HPSE: variants seen among roughly 807,000 people sequenced by gnomAD.
HPSE encodes endo-glucoronidase.
Under a neutral mutation model 65.1 loss-of-function variants are expected in HPSE, and 48 were observed. That is an observed-to-expected ratio of 0.74 (90% CI 0.58 to 0.94). The LOEUF is 0.94. HPSE is among the 40% of genes least tolerant of loss of function. HPSE has a pLI of 0.00. For missense variants in HPSE, 644 were observed against 637.5 expected, an observed-to-expected ratio of 1.01 and a Z score of -0.11; for synonymous variants, 243 against 260.0, an observed-to-expected ratio of 0.93 and a Z score of 0.63.
chr4:83,318,277 T>C (rs1376407562), intron 3 of HPSE, among the ~76,000 whole-genome samples: 1 of 152,184 alleles, frequency 6.6e-6, no homozygotes, highest in African/African-American at 2.4e-5. Context: ...GGGAACATCA[T>C]CCCTCAGTGG....
chr4:83,304,554 C>A, intron 9 of HPSE, among the ~76,000 whole-genome samples: 1 of 123,086 alleles, frequency 8.1e-6, no homozygotes, highest in Non-Finnish European at 1.7e-5. Context: ...CGGTGGTGGG[C>A]ACAATGGTTC....
At chr4:83,322,784 CTTGT>C (rs1186647015) in intron 1 of HPSE, among the ~76,000 whole-genome samples, 3,314 of 115,920 alleles carry the variant, frequency 0.029, 40 homozygotes, top group East Asian at 0.069. Context: ...CTGGCAAGAG[CTTGT>C]TTGTGTGTGT....
chr4:83,314,784 C>G (rs1309392282), intron 3 of HPSE, among the ~76,000 whole-genome samples: 1 of 152,174 alleles, frequency 6.6e-6, no homozygotes, highest in Non-Finnish European at 1.5e-5. Flanking sequence ...TACACCCTTT[C>G]TCCTTAAAAG....
At chr4:83,302,106 C>A in intron 10 of HPSE, 44 bp downstream of exon 10, 7 of 1,286,790 alleles carry the variant, frequency 5.4e-6, no homozygotes, top group Non-Finnish European at 7.9e-6. Flanking sequence ...ACAGGCTTAC[C>A]CACTAAAACT....
chr4:83,297,263 C>T (rs570346299), intron 11 of HPSE, among the ~76,000 whole-genome samples: 50 of 151,856 alleles, frequency 3.3e-4, no homozygotes, highest in Non-Finnish European at 6.0e-4. Flanking sequence ...ATGATGTTCA[C>T]ACAAGGATGA....
intron 3 of HPSE, among the ~76,000 whole-genome samples, chr4:83,314,912 T>G (rs1736567479): frequency 6.6e-6 from 1 of 152,180 alleles, no homozygotes; most frequent in South Asian, 2.1e-4. Flanking sequence ...TCCCAGCACT[T>G]TGGGAGGCTG....
At chr4:83,309,322 A>C in intron 7 of HPSE, 80 bp downstream of exon 7, 1 of 745,070 alleles carries the variant, frequency 1.3e-6, no homozygotes, top group Non-Finnish European at 2.3e-6. Flanking sequence ...GTAAATATAC[A>C]TACCTATAGA....
chr4:83,334,509 T>G, intron 1 of HPSE, 47 bp downstream of exon 1: 1 of 1,521,434 alleles, frequency 6.6e-7, no homozygotes, highest in Non-Finnish European at 8.8e-7. Flanking sequence ...CAGACATAGG[T>G]GTCAGGAGGA....
At chr4:83,298,482 A>G (rs4516708) in intron 11 of HPSE, among the ~76,000 whole-genome samples, 3 of 147,414 alleles carry the variant, frequency 2.0e-5, no homozygotes, top group African/African-American at 8.0e-5. Flanking sequence ...ATTTTTTTTT[A>G]AAAAAAAACA....
chr4:83,295,623 T>C (rs764275173), intron 11 of HPSE, 120 bp from the exon 12 acceptor site: 5 of 632,954 alleles, frequency 7.9e-6, no homozygotes, highest in Non-Finnish European at 1.3e-5. Flanking sequence ...GCCTATATTA[T>C]ATAACTTGTA....
Position 83,295,078 on chromosome 4 carries a change from TAAAAC to T in HPSE, c.*261_*265del, listed in dbSNP as rs1413467008. The T allele has an allele frequency of 5.3e-6, 1 of 187,514 alleles. No homozygotes were observed. Among genetic ancestry groups the T allele is most frequent in the African/African-American group, 2.3e-5 (1 of 42,726 alleles). 11.6% of individuals were successfully genotyped at this position (187,514 alleles called of 1,614,324 possible). On this transcript the variant is annotated 3_prime_UTR_variant, in exon 12 of 12. Transcript: ENST00000311412. Reference sequence around the variant, plus strand: ...TCAAAATAAATAAATAAATAAATAATAAAACAAAACAAAACTTTAGATAAAAGTAA... The same window carrying T: ...TCAAAATAAATAAATAAATAAATAATAAAACAAAACTTTAGATAAAAGTAA...
chr4:83,321,532 G>A (rs185999165), intron 2 of HPSE, among the ~76,000 whole-genome samples: 11 of 152,090 alleles, frequency 7.2e-5, no homozygotes, highest in Middle Eastern at 3.4e-3. Context: ...GGCTGGTCCC[G>A]AACTCCTGGG....
At chr4:83,322,736 ATCT>A (rs757413405) in intron 1 of HPSE, among the ~76,000 whole-genome samples, 1 of 150,980 alleles carries the variant, frequency 6.6e-6, no homozygotes, top group East Asian at 2.0e-4. Flanking sequence ...TGAAGGACTG[ATCT>A]TCTAGGAACC....
chr4:83,299,438 A>G (rs1323843921), intron 11 of HPSE, among the ~76,000 whole-genome samples: 1 of 151,142 alleles, frequency 6.6e-6, no homozygotes, highest in Admixed American at 6.6e-5. Context: ...GGCTCTTGGG[A>G]AGACTTCTGG....
At chr4:83,302,997 T>TA (rs1009865268) in intron 9 of HPSE, among the ~76,000 whole-genome samples, 1 of 152,170 alleles carries the variant, frequency 6.6e-6, no homozygotes, top group African/African-American at 2.4e-5. Flanking sequence ...AAAAAAATCT[T>TA]AAAAAAAAAT....
At chr4:83,316,066 G>A (rs910480176) in intron 3 of HPSE, among the ~76,000 whole-genome samples, 2 of 150,232 alleles carry the variant, frequency 1.3e-5, no homozygotes, top group African/African-American at 4.9e-5. Context: ...TTGTTCTGTC[G>A]CCCAGGCTGG....
intron 2 of HPSE, among the ~76,000 whole-genome samples, chr4:83,319,835 C>T (rs927479046): frequency 1.1e-4 from 17 of 151,826 alleles, no homozygotes; most frequent in Admixed American, 5.2e-4. Flanking sequence ...CTGAGATGGG[C>T]GAATCACTTG....
At chr4:83,333,704 G>A (rs1280545864) in intron 1 of HPSE, among the ~76,000 whole-genome samples, 1 of 152,046 alleles carries the variant, frequency 6.6e-6, no homozygotes, top group African/African-American at 2.4e-5. Flanking sequence ...AGCTGATAAG[G>A]CAGCACCACA....
At chr4:83,311,255 T>G (rs1419053742) in intron 4 of HPSE, among the ~76,000 whole-genome samples, 1 of 152,122 alleles carries the variant, frequency 6.6e-6, no homozygotes, top group Non-Finnish European at 1.5e-5. Context: ...TAGTGAGCCA[T>G]GATCACGCAA....
Sources: allele counts gnomAD v4.1 joint callset (sites outside exome capture counted in the v4.1 genomes callset), GRCh38; gene constraint gnomAD v4.1.1; transcripts MANE v1.5; gene names NCBI Gene and HGNC (gene_info 2026-07-23, HGNC 2026-07-21).